FAM53C: variants seen among roughly 807,000 people sequenced by gnomAD.
FAM53C encodes family with sequence similarity 53 member C, also known as protein FAM53C.
Under a neutral mutation model 34.7 loss-of-function variants are expected in FAM53C, and 10 were observed. The ratio of observed to expected loss-of-function variants is 0.29; its 90% CI spans 0.18 to 0.49. The LOEUF (loss-of-function observed/expected upper bound fraction) is 0.49. Ranked by LOEUF, FAM53C falls within the 20% of genes least tolerant of loss-of-function variation. The pLI, the probability that FAM53C is intolerant of heterozygous loss-of-function variation, is 0.99. For synonymous variants in FAM53C, 203 were observed against 203.6 expected, an observed-to-expected ratio of 1.00 and a Z score of 0.03; for missense variants, 442 against 515.3, an observed-to-expected ratio of 0.86 and a Z score of 1.38.
In FAM53C at chr5:138,338,280, C is replaced by G. The variant is rs1042317507; in HGVS notation, c.-180C>G. 2 of 897,024 alleles carry G rather than the reference C, an allele frequency of 2.2e-6. No individual in the cohort carries two copies. The allele number at this position is 897,024 out of a possible 1,614,324, so 55.6% of individuals were successfully genotyped here. A position where few individuals can be genotyped will look rare whatever the true frequency, so the allele number is the denominator to read the frequency against. ...ACCGAGCGCTCAGAGCTGCTCCGGCCGCGGCCCTGGGAGCTGGAGGAACCG... is the reference window on the plus strand; with the variant it reads ...ACCGAGCGCTCAGAGCTGCTCCGGCGGCGGCCCTGGGAGCTGGAGGAACCG... On this transcript the variant is annotated 5_prime_UTR_variant, in exon 1 of 5. Coordinates refer to ENST00000239906, the MANE Select transcript of FAM53C (RefSeq NM_016605.3).
At chr5:138,344,756 T>A in intron 3 of FAM53C, 69 bp from the exon 4 acceptor site, 4 of 1,388,686 alleles carry the variant, frequency 2.9e-6, no homozygotes, top group Non-Finnish European at 3.9e-6. Context: ...ATACATTATG[T>A]GGCAAATGGT....
chr5:138,345,092 G>A lies in FAM53C; in HGVS notation c.404G>A (p.Arg135Gln), dbSNP rs753894542. 10 of 1,613,800 alleles carry A rather than the reference G, an allele frequency of 6.2e-6. No individual in the cohort carries two copies. The highest frequency in any genetic ancestry group is 2.2e-5 in the South Asian group (2 of 91,074). ...CTGTCTCGCTGGCAGCCGGTGTGGCGGCCCGCCCCCTCCAAGCTGTGGACT... is the reference window on the plus strand; with the variant it reads ...CTGTCTCGCTGGCAGCCGGTGTGGCAGCCCGCCCCCTCCAAGCTGTGGACT... The part of the protein sequence containing the change: ...VDLSRWQPVW[R>Q]PAPSKLWTPI... The change falls in exon 4 of 5, where the codon CGG becomes CAG. Residue 135 changes from arginine to glutamine, a missense_variant. Physicochemically the swap from Arg to Gln is conservative, Grantham distance 43. Transcript: ENST00000239906. This position sits in a 1 kb window ranked among gnomAD's most constrained non-coding sequence, Gnocchi z 6.3.
chr5:138,344,679 A>G, intron 3 of FAM53C, 146 bp from the exon 4 acceptor site: 2 of 595,600 alleles, frequency 3.4e-6, no homozygotes, highest in Non-Finnish European at 5.6e-6. Context: ...TATCTGTGAA[A>G]TGGGGATAAT....
upstream of FAM53C, chr5:138,337,919 TG>T: frequency 7.8e-7 from 1 of 1,276,098 alleles, no homozygotes; most frequent in South Asian, 1.2e-5. Flanking sequence ...GTTGGGCCGT[TG>T]GAGGGAGGGA....
chr5:138,338,008 G>A (rs1009582483), upstream of FAM53C: 6 of 1,289,600 alleles, frequency 4.7e-6, no homozygotes, highest in African/African-American at 7.6e-5. Context: ...TCCAACTGGG[G>A]CCGTCCACTT....
At position 138,345,941 on chromosome 5, in the gene FAM53C, A is replaced by G. The variant is rs1761162445; in HGVS notation, c.921+332A>G. 6.6e-6 allele frequency among the ~76,000 whole-genome samples: 1 copy of G among 152,206 alleles called. No homozygotes were observed. Among genetic ancestry groups the G allele is most frequent in the African/African-American group, 2.4e-5 (1 of 41,456 alleles). On this transcript the variant is annotated intron_variant, in intron 4 of 4. Coordinates refer to ENST00000239906, the MANE Select transcript of FAM53C (RefSeq NM_016605.3). This position sits in a 1 kb window ranked among gnomAD's most constrained non-coding sequence, Gnocchi z 6.3. ...GAATGCACAAGCTGCAAAAAATTCC[A>G]TCAGTACCTACTCCTTGTGCCCAAA...
Position 138,344,818 on chromosome 5 carries a change from C to T in FAM53C, c.137-7C>T, listed in dbSNP as rs1346380043. On this transcript the variant is annotated splice_region_variant and splice_polypyrimidine_tract_variant and intron_variant, in intron 3 of 4. Transcript: ENST00000239906. ...TTAATATTATTCTTATTATAAATGC[C>T]TTCCAGAAGGTGCTTCCTGGAGGGG... is the stretch of plus-strand genomic sequence containing the variant. 2 of 1,524,762 alleles carry T rather than the reference C, an allele frequency of 1.3e-6. No individual in the cohort carries two copies. Among genetic ancestry groups the T allele is most frequent in the Non-Finnish European group, 1.8e-6 (2 of 1,138,254 alleles). 94.5% of individuals were successfully genotyped at this position (1,524,762 alleles called of 1,614,324 possible). A position where few individuals can be genotyped will look rare whatever the true frequency, so the allele number is the denominator to read the frequency against.
chr5:138,338,521 C>G (rs547202976), intron 1 of FAM53C, among the ~76,000 whole-genome samples: 1 of 152,172 alleles, frequency 6.6e-6, no homozygotes, highest in South Asian at 2.1e-4. Flanking sequence ...GAGTTCGCTT[C>G]CCGCGGCCAG....
At chr5:138,341,547 CA>C in intron 2 of FAM53C, 134 bp downstream of exon 2, 1 of 897,880 alleles carries the variant, frequency 1.1e-6, no homozygotes, top group Non-Finnish European at 1.8e-6. Flanking sequence ...ACTAATGGCT[CA>C]AAACCCAGCC....
In FAM53C at chr5:138,338,722, T is replaced by A. The variant is rs1443145944; in HGVS notation, c.-153+415T>A. Among the ~76,000 whole-genome samples, 4 of 149,406 alleles carry A rather than the reference T, an allele frequency of 2.7e-5. No homozygotes were observed. The South Asian group carries it at 8.5e-4, about 32-fold the overall frequency. ...TTCTTCATGGGGGTGGGGGGAGGGGTGTTCCCCACTTGTCACCCCTTTCCC... is the reference window on the plus strand; with the variant it reads ...TTCTTCATGGGGGTGGGGGGAGGGGAGTTCCCCACTTGTCACCCCTTTCCC... On this transcript the variant is annotated intron_variant, in intron 1 of 4. Transcript: ENST00000239906.
intron 1 of FAM53C, among the ~76,000 whole-genome samples, chr5:138,340,487 C>T (rs549528419): frequency 2.0e-4 from 31 of 152,234 alleles, no homozygotes; most frequent in African/African-American, 5.3e-4. Context: ...AAGTTGACCA[C>T]GAGAAAGAAT....
intron 1 of FAM53C, among the ~76,000 whole-genome samples, chr5:138,338,704 T>TG (rs1760911283): frequency 7.0e-6 from 1 of 142,496 alleles, no homozygotes; most frequent in Non-Finnish European, 1.5e-5. Context: ...TGCTTCTTCA[T>TG]GGGGGTGGGG....
chr5:138,341,459 T>C (rs1455531053), intron 2 of FAM53C, 46 bp downstream of exon 2: 2 of 1,489,854 alleles, frequency 1.3e-6, no homozygotes, highest in African/African-American at 2.8e-5. Flanking sequence ...CTCCCCCTTT[T>C]TTCTGAGGCT....
Position 138,345,307 on chromosome 5 carries a change from G to A in FAM53C, c.619G>A (p.Ala207Thr), listed in dbSNP as rs930249552. ...ALAQDSSRPC[A>T]ASPQSGSWES... ...GGCCCAAGATTCCTCTCGACCCTGC[G>A]CCGCCTCCCCTCAAAGTGGCTCCTG... Residue 207 changes from alanine (A) to threonine (T), a missense_variant, in exon 4 of 5, where the codon GCC becomes ACC. Transcript: ENST00000239906. This position sits in a 1 kb window ranked among gnomAD's most constrained non-coding sequence, Gnocchi z 6.3. The A allele has an allele frequency of 8.7e-6, 14 of 1,614,128 alleles. No homozygotes were observed. The highest frequency in any genetic ancestry group is 2.7e-5 in the African/African-American group (2 of 75,038).
rs377646565 is a variant in FAM53C, at chr5:138,345,586, T to C, written c.898T>C (p.Leu300=). 28 of 1,612,660 alleles carry C rather than the reference T, an allele frequency of 1.7e-5. No homozygotes were observed. The highest frequency in any genetic ancestry group is 4.5e-5 in the East Asian group (2 of 44,862). Reference sequence around the variant, plus strand: ...AGACCCCCGGCGTCTGCGGCCTTCGTTGGACTTTGACAAGATGAATCAGGT... The same window carrying C: ...AGACCCCCGGCGTCTGCGGCCTTCGCTGGACTTTGACAAGATGAATCAGGT... ...EEDPRRLRPS[L]DFDKMNQKPY... The change falls in exon 4 of 5, where the codon TTG becomes CTG. Residue 300 remains leucine (L), a synonymous_variant. Transcript: ENST00000239906. The surrounding 1 kb of genome is among the most constrained non-coding windows in gnomAD (Gnocchi z 6.3).
At position 138,347,167 on chromosome 5, in the gene FAM53C, G is replaced by A; in HGVS notation, c.*208G>A. On this transcript the variant is annotated 3_prime_UTR_variant, in exon 5 of 5. Coordinates refer to ENST00000239906, the MANE Select transcript of FAM53C (RefSeq NM_016605.3). The stretch of plus-strand genomic sequence containing the variant: ...AGATAAACGGAGCTGGTGGCGGGAG[G>A]GACAGCCCCAGAGCAGACCCTTCCT... 1 of 688,558 alleles carries A rather than the reference G, an allele frequency of 1.5e-6. No individual in the cohort carries two copies. Among genetic ancestry groups the A allele is most frequent in the Non-Finnish European group, 2.4e-6 (1 of 419,480 alleles). 42.7% of individuals were successfully genotyped at this position (688,558 alleles called of 1,614,324 possible). A position where few individuals can be genotyped will look rare whatever the true frequency, so the allele number is the denominator to read the frequency against.
Position 138,347,432 on chromosome 5 carries a change from A to G in FAM53C, c.*473A>G, listed in dbSNP as rs180938303. 6.4e-5 allele frequency: 11 copies of G among 171,898 alleles called. 1 individual carries two copies. Among genetic ancestry groups the G allele is most frequent in the Admixed American group, 1.6e-4 (3 of 18,372 alleles). 10.6% of individuals were successfully genotyped at this position (171,898 alleles called of 1,614,324 possible). A position where few individuals can be genotyped will look rare whatever the true frequency, so the allele number is the denominator to read the frequency against. On this transcript the variant is annotated 3_prime_UTR_variant, in exon 5 of 5. Transcript: ENST00000239906. ...TGTGTTTGCGTAGCCTTAGGGAAGG[A>G]AGGCAATTGCTCCTTAACAGCAGAG...
upstream of FAM53C, chr5:138,338,184 G>GAGCTGTCCCCCT (rs1179727941): frequency 1.6e-6 from 2 of 1,288,540 alleles, no homozygotes; most frequent in Non-Finnish European, 2.0e-6. Context: ...CTGCGAGCCG[G>GAGCTGTCCCCCT]AGCTGTCCCC....
intron 3 of FAM53C, 72 bp from the exon 4 acceptor site, chr5:138,344,753 A>T: frequency 7.3e-7 from 1 of 1,371,734 alleles, no homozygotes; most frequent in South Asian, 1.6e-5. Context: ...TCCATACATT[A>T]TGTGGCAAAT....
Sources: gnomAD v4.1 joint callset for allele counts (sites outside exome capture counted in the v4.1 genomes callset) on GRCh38, gnomAD v4.1.1 for gene constraint, Gnocchi (gnomAD v3.1) non-coding constraint, MANE v1.5 for transcripts, NCBI Gene and HGNC (gene_info 2026-07-23, HGNC 2026-07-21) for gene names.